Variants in PDZRN3 observed in about 807,000 individuals in gnomAD.
The protein encoded by PDZRN3 is PDZ domain containing ring finger 3.
A neutral mutation model predicts 85.7 loss-of-function variants in PDZRN3; 38 were observed. That is an observed-to-expected ratio of 0.44 (90% CI 0.34 to 0.58). The LOEUF is 0.58. Ranked by LOEUF, PDZRN3 falls within the 20% of genes least tolerant of loss-of-function variation. PDZRN3 has a pLI of 0.01. For missense variants in PDZRN3, 1,629 were observed against 1,506.4 expected, an observed-to-expected ratio of 1.08 and a Z score of -1.35; for synonymous variants, 759 against 638.0, an observed-to-expected ratio of 1.19 and a Z score of -2.86.
chr3:73,610,368 A>C (rs1231173933), intron 1 of PDZRN3, among the ~76,000 whole-genome samples: 2 of 152,216 alleles, frequency 1.3e-5, no homozygotes, highest in African/African-American at 4.8e-5. Context: ...GTTCTGACAA[A>C]CAGCACCACC....
At chr3:73,453,505 A>G (rs1207764196) in intron 3 of PDZRN3, among the ~76,000 whole-genome samples, 1 of 150,892 alleles carries the variant, frequency 6.6e-6, no homozygotes, top group East Asian at 1.9e-4. Context: ...CTTTCCAGAG[A>G]CACTTGCTTT....
intron 3 of PDZRN3, among the ~76,000 whole-genome samples, chr3:73,501,150 A>G (rs1346005596): frequency 6.6e-6 from 1 of 152,150 alleles, no homozygotes; most frequent in African/African-American, 2.4e-5. Context: ...TAATTAATGA[A>G]CCTGATTCGA....
At chr3:73,438,784 A>G (rs940576357) in intron 3 of PDZRN3, among the ~76,000 whole-genome samples, 36 of 152,208 alleles carry the variant, frequency 2.4e-4, no homozygotes, top group African/African-American at 8.0e-4. Context: ...ATACACACAC[A>G]GCCAATAAAC....
chr3:73,573,379 G>A (rs1702071318), intron 3 of PDZRN3, among the ~76,000 whole-genome samples: 1 of 152,232 alleles, frequency 6.6e-6, no homozygotes, highest in African/African-American at 2.4e-5. Context: ...ATGAAATCTA[G>A]CCACAAAGCC....
At chr3:73,387,101 G>A (rs140037863) in intron 8 of PDZRN3, among the ~76,000 whole-genome samples, 10 of 152,298 alleles carry the variant, frequency 6.6e-5, no homozygotes, top group East Asian at 1.9e-4. Flanking sequence ...CTGCTGCCAC[G>A]TAAGACGTGC....
At chr3:73,535,924 A>C (rs1302269255) in intron 3 of PDZRN3, among the ~76,000 whole-genome samples, 2 of 152,242 alleles carry the variant, frequency 1.3e-5, no homozygotes, top group Non-Finnish European at 2.9e-5. Flanking sequence ...AAATTTTACA[A>C]GGATTTGGAT....
chr3:73,471,504 G>A (rs1456547591), intron 3 of PDZRN3, among the ~76,000 whole-genome samples: 1 of 152,168 alleles, frequency 6.6e-6, no homozygotes, highest in Non-Finnish European at 1.5e-5. Flanking sequence ...CTTTATGACT[G>A]TAAAGCAAAC....
chr3:73,544,197 C>T (rs1701361341), intron 3 of PDZRN3, among the ~76,000 whole-genome samples: 1 of 151,708 alleles, frequency 6.6e-6, no homozygotes, highest in African/African-American at 2.4e-5. Context: ...TAGGCAACAA[C>T]TCTGTCTCAA....
intron 3 of PDZRN3, among the ~76,000 whole-genome samples, chr3:73,475,765 A>G (rs1231796201): frequency 6.6e-6 from 1 of 152,230 alleles, no homozygotes; most frequent in East Asian, 1.9e-4. Context: ...TGCCCACAGT[A>G]CTGGATGATC....
At chr3:73,547,958 A>T (rs745451386) in intron 3 of PDZRN3, among the ~76,000 whole-genome samples, 5 of 152,212 alleles carry the variant, frequency 3.3e-5, no homozygotes, top group African/African-American at 4.8e-5. Flanking sequence ...CTACATTTTG[A>T]TGAGCTACAT....
intron 3 of PDZRN3, among the ~76,000 whole-genome samples, chr3:73,576,665 C>T (rs765048767): frequency 1.3e-5 from 2 of 152,168 alleles, no homozygotes; most frequent in Admixed American, 6.5e-5. Context: ...GTGAAATCAT[C>T]CAACTTTTGC....
At chr3:73,456,528 C>A (rs535545806) in intron 3 of PDZRN3, among the ~76,000 whole-genome samples, 1 of 152,230 alleles carries the variant, frequency 6.6e-6, no homozygotes, top group East Asian at 1.9e-4. Context: ...TGCCTTAAGT[C>A]CTGCTTAACA....
At chr3:73,429,954 C>G (rs949504504) in intron 3 of PDZRN3, among the ~76,000 whole-genome samples, 1 of 152,178 alleles carries the variant, frequency 6.6e-6, no homozygotes, top group Non-Finnish European at 1.5e-5. Context: ...TCTGAGACAC[C>G]AAGGTCTTTA....
At chr3:73,499,641 T>G (rs1703938847) in intron 3 of PDZRN3, among the ~76,000 whole-genome samples, 1 of 152,206 alleles carries the variant, frequency 6.6e-6, no homozygotes, top group Admixed American at 6.5e-5. Flanking sequence ...AATTTTAATA[T>G]TGTGGCATCT....
intron 2 of PDZRN3, 61 bp downstream of exon 2, chr3:73,608,537 C>T: frequency 8.6e-7 from 1 of 1,163,676 alleles, no homozygotes; most frequent in Non-Finnish European, 1.3e-6. Context: ...CCCTTCAAAC[C>T]TTGACCTCTC....
At chr3:73,574,466 T>TGGGGGGGGGGGG (rs1702091367) in intron 3 of PDZRN3, among the ~76,000 whole-genome samples, 2 of 78,694 alleles carry the variant, frequency 2.5e-5, no homozygotes, top group Non-Finnish European at 5.2e-5. Flanking sequence ...GTGGGGGGGG[T>TGGGGGGGGGGGG]GGGGAGGGCG....
Position 73,425,045 on chromosome 3 carries a change from C to T in PDZRN3, c.919-20650G>A, listed in dbSNP as rs375040112. On this transcript the variant is annotated intron_variant, in intron 3 of 9. Transcript: ENST00000263666. Reference sequence around the variant, plus strand: ...TTTTTTTTTTTTTGAGACGGAGTCTCGCTCTGTTGTCCAGGTTGGAGTGCA... The same window carrying T: ...TTTTTTTTTTTTTGAGACGGAGTCTTGCTCTGTTGTCCAGGTTGGAGTGCA... 1.9e-4 allele frequency among the ~76,000 whole-genome samples: 28 copies of T among 148,788 alleles called. 1 individual carries two copies. The highest frequency in any genetic ancestry group is 5.7e-4 in the African/African-American group (23 of 40,616).
At chr3:73,563,013 A>ATATATATATATATATTTTT (rs1187151191) in intron 3 of PDZRN3, among the ~76,000 whole-genome samples, 3 of 43,762 alleles carry the variant, frequency 6.9e-5, no homozygotes, top group African/African-American at 1.0e-4. Context: ...ATATATATAT[A>ATATATATATATATATTTTT]TTTTTTTTTT....
At chr3:73,496,610 A>G (rs1254165946) in intron 3 of PDZRN3, among the ~76,000 whole-genome samples, 2 of 152,132 alleles carry the variant, frequency 1.3e-5, no homozygotes, top group African/African-American at 4.8e-5. Flanking sequence ...CTAATATCAC[A>G]TAACACAATT....
Sources: allele counts gnomAD v4.1 joint callset (sites outside exome capture counted in the v4.1 genomes callset), GRCh38; gene constraint gnomAD v4.1.1; transcripts MANE v1.5; gene names NCBI Gene and HGNC (gene_info 2026-07-23, HGNC 2026-07-21).